Variants in COL19A1 observed in about 807,000 individuals in gnomAD.
COL19A1 encodes the protein collagen type XIX alpha 1 chain, also known as collagen alpha-1(XIX) chain.
Under a neutral mutation model 190.2 loss-of-function variants are expected in COL19A1, and 159 were observed. The ratio of observed to expected loss-of-function variants is 0.84; its 90% CI spans 0.73 to 0.95. The LOEUF is 0.95. Among genes scored for constraint, COL19A1 ranks in the 40% least tolerant of loss-of-function variants. The pLI, the probability that COL19A1 is intolerant of heterozygous loss-of-function variation, is 0.00. For missense variants in COL19A1, 1,418 were observed against 1,431.9 expected, an observed-to-expected ratio of 0.99 and a Z score of 0.16; for synonymous variants, 509 against 458.9, an observed-to-expected ratio of 1.11 and a Z score of -1.39.
chr6:69,981,372 T>C lies in COL19A1; in HGVS notation c.1026+18502T>C, dbSNP rs1343835678. Among the ~76,000 whole-genome samples, 5 of 152,208 alleles carry C rather than the reference T, an allele frequency of 3.3e-5. No individual in the cohort carries two copies. The East Asian group carries it at 9.6e-4, about 29-fold the overall frequency. On this transcript the variant is annotated intron_variant, in intron 11 of 50. Transcript: ENST00000620364. ...GTAATCTAAATTGATATGTAGAATG[T>C]GATGATGAGGGAGAAAATAAAAAAT...
intron 4 of COL19A1, among the ~76,000 whole-genome samples, chr6:69,922,940 G>C (rs6938495): frequency 0.3 from 46,337 of 152,058 alleles, 8,632 homozygotes; most frequent in African/African-American, 0.52. Flanking sequence ...TAAATGCTGT[G>C]CTTGCTTTCA....
At chr6:69,889,198 T>C (rs1030134017) in intron 2 of COL19A1, among the ~76,000 whole-genome samples, 2 of 152,222 alleles carry the variant, frequency 1.3e-5, no homozygotes, top group African/African-American at 4.8e-5. Flanking sequence ...TCTTAACGTA[T>C]GTTGGAGAAG....
intron 11 of COL19A1, among the ~76,000 whole-genome samples, chr6:69,991,020 G>C (rs1397511184): frequency 6.6e-6 from 1 of 151,980 alleles, no homozygotes; most frequent in East Asian, 1.9e-4. Context: ...CTGATAGATA[G>C]TTTTGTTATT....
chr6:70,032,235 G>A lies in COL19A1; in HGVS notation c.1081-2010G>A, dbSNP rs1341796603. ...GATCTTCTCAAAAGTAAGGAATGGAGAAGAGATTTTAAGGGTGAGAGATTC... is the reference window on the plus strand; with the variant it reads ...GATCTTCTCAAAAGTAAGGAATGGAAAAGAGATTTTAAGGGTGAGAGATTC... On this transcript the variant is annotated intron_variant, in intron 12 of 50. Coordinates refer to ENST00000620364, the MANE Select transcript of COL19A1 (RefSeq NM_001858.6). Among the ~76,000 whole-genome samples the A allele has an allele frequency of 2.0e-5, 3 of 152,176 alleles. No homozygotes were observed. In the East Asian group the frequency reaches 5.8e-4, roughly 29 times the overall value.
intron 11 of COL19A1, among the ~76,000 whole-genome samples, chr6:70,017,583 A>G (rs149397436): frequency 1.3e-5 from 2 of 152,278 alleles, no homozygotes; most frequent in African/African-American, 4.8e-5. Context: ...TTGTAGCTGT[A>G]AAAGTAGAGA....
intron 16 of COL19A1, among the ~76,000 whole-genome samples, chr6:70,114,257 C>T (rs969078414): frequency 2.0e-5 from 3 of 152,092 alleles, no homozygotes; most frequent in African/African-American, 4.8e-5. Flanking sequence ...ATGCCCTGCT[C>T]GATTGTTTAA....
At chr6:70,152,512 A>G (rs1214902192) in intron 31 of COL19A1, among the ~76,000 whole-genome samples, 1 of 152,162 alleles carries the variant, frequency 6.6e-6, no homozygotes, top group Non-Finnish European at 1.5e-5. Flanking sequence ...TTTATAAGCC[A>G]GAGAAGAATA....
At chr6:70,188,393 A>G in intron 47 of COL19A1, 148 bp downstream of exon 47, 1 of 917,780 alleles carries the variant, frequency 1.1e-6, no homozygotes, top group Non-Finnish European at 1.6e-6. Context: ...ATTTAAAGTT[A>G]TGTGCCAGAT....
chr6:70,092,513 T>G (rs1465693981), intron 15 of COL19A1, among the ~76,000 whole-genome samples: 2 of 145,808 alleles, frequency 1.4e-5, no homozygotes, highest in Admixed American at 1.3e-4. Context: ...TTTGATAGGG[T>G]TTTTTTCTGA....
chr6:69,938,473 G>T (rs1773253985), intron 9 of COL19A1, among the ~76,000 whole-genome samples: 1 of 151,760 alleles, frequency 6.6e-6, no homozygotes, highest in African/African-American at 2.4e-5. Context: ...CCCCACCAGA[G>T]ATTTTTCTGT....
At chr6:70,204,702 T>A (rs1468054335) in intron 49 of COL19A1, among the ~76,000 whole-genome samples, 1 of 152,214 alleles carries the variant, frequency 6.6e-6, no homozygotes, top group Non-Finnish European at 1.5e-5. Flanking sequence ...TGCGTTACAC[T>A]CTTGTTAATC....
chr6:70,187,182 A>G (rs1766578804), intron 46 of COL19A1, among the ~76,000 whole-genome samples: 2 of 152,072 alleles, frequency 1.3e-5, no homozygotes, highest in Admixed American at 1.3e-4. Flanking sequence ...GCCTGGCCCA[A>G]CTGATTCTTC....
rs1765529285 is a variant in COL19A1, at chr6:70,172,029, A to T, written c.2622+12A>T. 6.2e-7 allele frequency: 1 copy of T among 1,607,656 alleles called. No homozygotes were observed. The highest frequency in any genetic ancestry group is 1.3e-5 in the African/African-American group (1 of 74,560). Reference sequence around the variant, plus strand: ...TTCCAGGTGTAAAGGTAAGCACAGAAGTTAGAAATGTGTTCATTTATTCAA... The same window carrying T: ...TTCCAGGTGTAAAGGTAAGCACAGATGTTAGAAATGTGTTCATTTATTCAA... On this transcript the variant is annotated intron_variant, in intron 41 of 50. Transcript: ENST00000620364.
At chr6:70,090,376 A>G (rs1782837052) in intron 15 of COL19A1, among the ~76,000 whole-genome samples, 1 of 152,134 alleles carries the variant, frequency 6.6e-6, no homozygotes, top group Non-Finnish European at 1.5e-5. Flanking sequence ...TATAACAACT[A>G]TTTACATGGC....
chr6:69,954,474 G>A (rs1185365180), intron 9 of COL19A1, among the ~76,000 whole-genome samples: 6 of 152,108 alleles, frequency 3.9e-5, no homozygotes, highest in Middle Eastern at 3.4e-3. Context: ...AGGAAAGATC[G>A]GAAAAGCACC....
chr6:70,146,598 C>A, intron 25 of COL19A1, 61 bp from the exon 26 acceptor site: 1 of 1,301,636 alleles, frequency 7.7e-7, no homozygotes, highest in Non-Finnish European at 1.1e-6. Context: ...TTAGTTATAA[C>A]TTCTAATGTG....
chr6:70,059,340 G>A (rs12199349), intron 14 of COL19A1, among the ~76,000 whole-genome samples: 48,332 of 151,960 alleles, frequency 0.32, 9,733 homozygotes, highest in Non-Finnish European at 0.44. Flanking sequence ...AGCTGTAAAT[G>A]TATCTTGCCT....
rs1018040954 is a variant in COL19A1 at position 70,211,456 on chromosome 6, T to C, written c.*4182T>C. ...AGCGTTATTTCTTAATACTTGAGTGTTGACACATTTTTGTACCATCCCCCT... is the reference window on the plus strand; with the variant it reads ...AGCGTTATTTCTTAATACTTGAGTGCTGACACATTTTTGTACCATCCCCCT... On this transcript the variant is annotated 3_prime_UTR_variant, in exon 51 of 51. Transcript: ENST00000620364. Among the ~76,000 whole-genome samples, 15 of 151,630 alleles carry C rather than the reference T, an allele frequency of 9.9e-5. No homozygotes were observed. The highest frequency in any genetic ancestry group is 3.4e-4 in the African/African-American group (14 of 41,256).
intron 15 of COL19A1, among the ~76,000 whole-genome samples, chr6:70,087,352 C>T (rs779899141): frequency 6.9e-4 from 105 of 152,096 alleles, no homozygotes; most frequent in African/African-American, 1.5e-3. Flanking sequence ...CCAAGCTGAC[C>T]GTGGAGCAAA....
Sources: allele counts gnomAD v4.1 joint callset (sites outside exome capture counted in the v4.1 genomes callset), GRCh38; gene constraint gnomAD v4.1.1; transcripts MANE v1.5; gene names NCBI Gene and HGNC (gene_info 2026-07-23, HGNC 2026-07-21).